The following CNTNAP2 variants were observed in gnomAD, a reference collection of about 807,000 sequenced individuals.
CNTNAP2 encodes the protein contactin-associated protein-like 2.
Under a neutral mutation model 155.2 loss-of-function variants are expected in CNTNAP2, and 98 were observed. That is an observed-to-expected ratio of 0.63 (90% confidence interval 0.54 to 0.75). CNTNAP2 has a LOEUF of 0.75. CNTNAP2 is among the 30% of genes least tolerant of loss of function. The pLI is 0.00. For synonymous variants in CNTNAP2, 651 were observed against 631.2 expected (o/e 1.03, Z -0.47); for missense variants, 1,727 against 1,688.1 (o/e 1.02, Z -0.40).
At chr7:146,466,917 T>C (rs1796724775) in intron 1 of CNTNAP2, among the ~76,000 whole-genome samples, 1 of 152,302 alleles carries the variant, frequency 6.6e-6, no homozygotes, top group South Asian at 2.1e-4. Flanking sequence ...TGTGCATAGC[T>C]GTAAAAATTA....
chr7:147,826,957 G>A (rs761347663), intron 13 of CNTNAP2, among the ~76,000 whole-genome samples: 8 of 137,730 alleles, frequency 5.8e-5, no homozygotes, highest in African/African-American at 2.0e-4. Flanking sequence ...TTGAGACGGA[G>A]TCTTGCTCTG....
intron 13 of CNTNAP2, among the ~76,000 whole-genome samples, chr7:147,868,551 T>C (rs1799271876): frequency 6.6e-6 from 1 of 152,202 alleles, no homozygotes; most frequent in South Asian, 2.1e-4. Flanking sequence ...CTGCTGCCTT[T>C]TCTTGAGCTA....
At chr7:147,413,483 A>C (rs1181514026) in intron 10 of CNTNAP2, among the ~76,000 whole-genome samples, 1 of 152,218 alleles carries the variant, frequency 6.6e-6, no homozygotes, top group Non-Finnish European at 1.5e-5. Context: ...TGCCAAGAGG[A>C]GTACTCTCAA....
At chr7:147,168,491 C>A (rs887225194) in intron 8 of CNTNAP2, among the ~76,000 whole-genome samples, 31 of 151,920 alleles carry the variant, frequency 2.0e-4, no homozygotes, top group Admixed American at 2.0e-3. Context: ...TATTTATAAT[C>A]TTCATAATAT....
chr7:147,450,048 A>C (rs1447677789), intron 10 of CNTNAP2, among the ~76,000 whole-genome samples: 1 of 152,170 alleles, frequency 6.6e-6, no homozygotes, highest in Admixed American at 6.5e-5. Context: ...CTGATCCCCA[A>C]AACCTGTATT....
At chr7:147,223,872 C>A (rs1162910165) in intron 8 of CNTNAP2, among the ~76,000 whole-genome samples, 1 of 141,334 alleles carries the variant, frequency 7.1e-6, no homozygotes, top group African/African-American at 2.7e-5. Context: ...ACCCAGAAGG[C>A]AAAGCTTGCA....
chr7:146,867,468 G>T (rs1422423368), intron 3 of CNTNAP2, among the ~76,000 whole-genome samples: 1 of 152,078 alleles, frequency 6.6e-6, no homozygotes, highest in African/African-American at 2.4e-5. Context: ...CATGAATAGT[G>T]CTACAATGAA....
intron 1 of CNTNAP2, among the ~76,000 whole-genome samples, chr7:146,414,775 C>A (rs1795913514): frequency 6.6e-6 from 1 of 152,062 alleles, no homozygotes; most frequent in Non-Finnish European, 1.5e-5. Flanking sequence ...TTTTCCACAA[C>A]AAAAACTAGA....
At chr7:147,338,740 A>C (rs905628776) in intron 9 of CNTNAP2, among the ~76,000 whole-genome samples, 1 of 152,148 alleles carries the variant, frequency 6.6e-6, no homozygotes, top group Non-Finnish European at 1.5e-5. Flanking sequence ...AAACTCCATA[A>C]AATTTTATTT....
At chr7:147,715,297 C>G (rs1796465962) in intron 13 of CNTNAP2, among the ~76,000 whole-genome samples, 1 of 152,206 alleles carries the variant, frequency 6.6e-6, no homozygotes, top group Non-Finnish European at 1.5e-5. Context: ...AGATTCCCAT[C>G]AGGAATGTAT....
rs150671089 is a variant in CNTNAP2 at position 146,695,566 on chromosome 7, A to G, written c.98-78705A>G. 3.9e-4 allele frequency among the ~76,000 whole-genome samples: 59 copies of G among 151,846 alleles called. No homozygotes were observed. In the East Asian group the frequency reaches 6.2e-3, roughly 16 times the overall value. On this transcript the variant is annotated intron_variant, in intron 1 of 23. Coordinates refer to ENST00000361727, the MANE Select transcript of CNTNAP2 (RefSeq NM_014141.6). ...TGCAGAACTATAGGCCCACACTACC[A>G]TGCCCAACTATTTGTTTTTGATTGT...
At chr7:147,693,723 G>GT (rs1383447433) in intron 13 of CNTNAP2, among the ~76,000 whole-genome samples, 4 of 151,920 alleles carry the variant, frequency 2.6e-5, no homozygotes, top group Middle Eastern at 6.8e-3. Flanking sequence ...AACTCAGATA[G>GT]TTTTTTTGTT....
chr7:146,710,388 T>C (rs1273432442), intron 1 of CNTNAP2, among the ~76,000 whole-genome samples: 1 of 152,170 alleles, frequency 6.6e-6, no homozygotes, highest in Non-Finnish European at 1.5e-5. Context: ...GACTGTTTCC[T>C]ATTCTCATCC....
At chr7:148,043,017 A>C (rs1323841874) in intron 15 of CNTNAP2, among the ~76,000 whole-genome samples, 1 of 152,238 alleles carries the variant, frequency 6.6e-6, no homozygotes, top group Non-Finnish European at 1.5e-5. Context: ...AATGCTCTCC[A>C]GACAATTTCA....
intron 8 of CNTNAP2, among the ~76,000 whole-genome samples, chr7:147,275,773 C>A (rs1328197113): frequency 6.6e-6 from 1 of 152,012 alleles, no homozygotes; most frequent in Admixed American, 6.6e-5. Context: ...TCAACTTTTC[C>A]TCATTCAGTG....
chr7:147,235,046 G>A (rs1348397745), intron 8 of CNTNAP2, among the ~76,000 whole-genome samples: 1 of 152,110 alleles, frequency 6.6e-6, no homozygotes, highest in African/African-American at 2.4e-5. Flanking sequence ...CTGATGAATT[G>A]GCAGACTGAG....
intron 11 of CNTNAP2, among the ~76,000 whole-genome samples, chr7:147,528,441 C>T (rs188372960): frequency 3.3e-5 from 5 of 152,122 alleles, no homozygotes; most frequent in Admixed American, 3.3e-4. Context: ...ATGAACAGAA[C>T]CTTACTCATT....
intron 8 of CNTNAP2, among the ~76,000 whole-genome samples, chr7:147,238,531 A>G (rs1803866487): frequency 6.6e-6 from 1 of 152,082 alleles, no homozygotes; most frequent in Admixed American, 6.5e-5. Context: ...ATGGAATGCT[A>G]TCGAAAATTT....
chr7:146,584,961 T>A (rs1798665074), intron 1 of CNTNAP2, among the ~76,000 whole-genome samples: 1 of 152,126 alleles, frequency 6.6e-6, no homozygotes, highest in South Asian at 2.1e-4. Context: ...GACACCTATA[T>A]TTAACCTGTT....
Sources: gnomAD v4.1 joint callset for allele counts (sites outside exome capture counted in the v4.1 genomes callset) on GRCh38, gnomAD v4.1.1 for gene constraint, MANE v1.5 for transcripts, NCBI Gene and HGNC (gene_info 2026-07-23, HGNC 2026-07-21) for gene names.